Variants in KHDRBS1 observed in about 807,000 individuals in gnomAD.
The protein encoded by KHDRBS1 is KH domain-containing, RNA-binding, signal transduction-associated protein 1.
KHDRBS1 carries 7 observed loss-of-function variants against 48.4 expected under a neutral mutation model. The ratio of observed to expected loss-of-function variants is 0.14; its 90% CI spans 0.08 to 0.27. The LOEUF (loss-of-function observed/expected upper bound fraction) is 0.27. Ranked by LOEUF, KHDRBS1 falls within the 10% of genes least tolerant of loss-of-function variation. The probability of loss-of-function intolerance (pLI) is 1.00; values close to 1 mark genes in which losing one functional copy is unlikely to be tolerated. For missense variants in KHDRBS1, 458 were observed against 601.2 expected, an observed-to-expected ratio of 0.76 and a Z score of 2.49; for synonymous variants, 241 against 235.8, an observed-to-expected ratio of 1.02 and a Z score of -0.20.
downstream of KHDRBS1, among the ~76,000 whole-genome samples, chr1:32,046,832 CT>C: frequency 6.6e-6 from 1 of 152,140 alleles, no homozygotes; most frequent in Non-Finnish European, 1.5e-5. Flanking sequence ...GATCTGGAAG[CT>C]TTAAGAGAGG....
intron 1 of KHDRBS1, among the ~76,000 whole-genome samples, chr1:32,026,597 C>T (rs16834809): frequency 0.04 from 6,046 of 152,168 alleles, 362 homozygotes; most frequent in African/African-American, 0.14. Flanking sequence ...AATGAAAGGC[C>T]TTAAATTCAC....
Position 32,042,715 on chromosome 1 carries a change from G to A in KHDRBS1, c.*91G>A, listed in dbSNP as rs1639301931. 9 of 772,580 alleles carry A rather than the reference G, an allele frequency of 1.2e-5. No homozygotes were observed. The highest frequency in any genetic ancestry group is 1.7e-5 in the African/African-American group (1 of 58,334). 47.9% of individuals were successfully genotyped at this position (772,580 alleles called of 1,614,324 possible). On this transcript the variant is annotated 3_prime_UTR_variant, in exon 9 of 9. Transcript: ENST00000327300. ...GATTCCTGTTGCTTTACCCACAACA[G>A]ACAAGTAATTGTCTAAGTGTTTTTC...
intron 1 of KHDRBS1, among the ~76,000 whole-genome samples, chr1:32,025,399 C>G (rs1020226366): frequency 2.1e-5 from 3 of 141,454 alleles, no homozygotes; most frequent in African/African-American, 8.0e-5. Flanking sequence ...CTCCCGGGTT[C>G]AAGCAATTCT....
chr1:32,044,363 A>G (rs183339088), downstream of KHDRBS1, among the ~76,000 whole-genome samples: 2,343 of 152,316 alleles, frequency 0.015, 37 homozygotes, highest in Non-Finnish European at 0.021. Flanking sequence ...TTCTCTTTCA[A>G]TCCCAGAAAT....
At chr1:32,023,641 T>C (rs1349996295) in intron 1 of KHDRBS1, among the ~76,000 whole-genome samples, 3 of 152,214 alleles carry the variant, frequency 2.0e-5, no homozygotes, top group Admixed American at 6.5e-5. Flanking sequence ...AAAGTACTTT[T>C]GCCTGAGGTT....
At chr1:32,055,784 T>C (rs1323497019) in intron 10 of KHDRBS1, among the ~76,000 whole-genome samples, 1 of 152,066 alleles carries the variant, frequency 6.6e-6, no homozygotes, top group Admixed American at 6.6e-5. Context: ...TCTCGGCTCC[T>C]AAGGAGGCTG....
At chr1:32,020,367 C>T (rs2124359319) in intron 1 of KHDRBS1, among the ~76,000 whole-genome samples, 1 of 150,324 alleles carries the variant, frequency 6.7e-6, no homozygotes, top group East Asian at 1.9e-4. Context: ...TCGAGGCTGC[C>T]TTGAGCTGAG....
chr1:32,041,506 T>C (rs1639281860), intron 8 of KHDRBS1, among the ~76,000 whole-genome samples: 1 of 152,132 alleles, frequency 6.6e-6, no homozygotes. Context: ...AGGAGAACCA[T>C]TTGAGGATGT....
At chr1:32,019,003 G>A (rs1638801258) in intron 1 of KHDRBS1, among the ~76,000 whole-genome samples, 1 of 151,366 alleles carries the variant, frequency 6.6e-6, no homozygotes, top group Non-Finnish European at 1.5e-5. Context: ...GCTGAGGCAG[G>A]AGAATCACTT....
At chr1:32,054,979 A>C (rs1639463136) in intron 10 of KHDRBS1, among the ~76,000 whole-genome samples, 1 of 152,166 alleles carries the variant, frequency 6.6e-6, no homozygotes, top group Admixed American at 6.5e-5. Flanking sequence ...AGTTAGGATA[A>C]CCACAGAGTC....
rs773057128 is a variant in KHDRBS1, at chr1:32,014,202, C to T, written c.207C>T (p.Pro69=). 9.1e-5 allele frequency: 126 copies of T among 1,389,828 alleles called. No individual in the cohort carries two copies. The highest frequency in any genetic ancestry group is 4.3e-4 in the African/African-American group (29 of 66,824). The allele number at this position is 1,389,828 out of a possible 1,614,324, so 86.1% of individuals were successfully genotyped here. ...CGCAGCCGCCACCGCTGCTGCCGCCCTCGGCCACGGGTCCCGACGCGACAG... is the reference window on the plus strand; with the variant it reads ...CGCAGCCGCCACCGCTGCTGCCGCCTTCGGCCACGGGTCCCGACGCGACAG... The part of the protein sequence containing the change: ...PATQPPPLLP[P]SATGPDATVG... The change falls in exon 1 of 9, where the codon CCC becomes CCT. Residue 69 remains proline (P), a synonymous_variant. Transcript: ENST00000327300.
chr1:32,058,339 A>G (rs954934150), intron 10 of KHDRBS1, among the ~76,000 whole-genome samples: 6 of 152,086 alleles, frequency 3.9e-5, no homozygotes, highest in African/African-American at 7.2e-5. Flanking sequence ...GCCTCAAGCA[A>G]TCCTCCCATC....
Position 32,042,637 on chromosome 1 carries a change from G to A in KHDRBS1, c.*13G>A. The A allele has an allele frequency of 2.6e-6, 4 of 1,512,486 alleles. No individual in the cohort carries two copies. Among genetic ancestry groups the A allele is most frequent in the Non-Finnish European group, 3.7e-6 (4 of 1,088,202 alleles). 93.7% of individuals were successfully genotyped at this position (1,512,486 alleles called of 1,614,324 possible). On this transcript the variant is annotated 3_prime_UTR_variant, in exon 9 of 9. Coordinates refer to ENST00000327300, the MANE Select transcript of KHDRBS1 (RefSeq NM_006559.3). ...TGGACGTTATTAAAAACAAACATGA[G>A]GGGAAAATATCAGTTATGAGCAAAG...
At position 32,042,500 on chromosome 1, in the gene KHDRBS1, T is replaced by C. The variant is rs369808824; in HGVS notation, c.1235-27T>C. 1.8e-5 allele frequency: 27 copies of C among 1,540,408 alleles called. No individual in the cohort carries two copies. In the African/African-American group the frequency reaches 2.7e-4, roughly 16 times the overall value. On this transcript the variant is annotated intron_variant, in intron 8 of 8. Transcript: ENST00000327300. ...CCCTAAGTGCTGTCGCCACATGGTT[T>C]ATAAACTGTCTTTGTTTTCCCCACA...
intron 1 of KHDRBS1, among the ~76,000 whole-genome samples, chr1:32,028,152 G>A (rs1639011100): frequency 6.6e-6 from 1 of 152,106 alleles, no homozygotes; most frequent in South Asian, 2.1e-4. Flanking sequence ...ACTGTTAAGG[G>A]TATAGATTTG....
intron 10 of KHDRBS1, among the ~76,000 whole-genome samples, chr1:32,051,459 G>T (rs1313111936): frequency 1.3e-5 from 2 of 152,302 alleles, no homozygotes; most frequent in Non-Finnish European, 2.9e-5. Context: ...GCTAGGATTT[G>T]ATCCCAAGAA....
intron 10 of KHDRBS1, among the ~76,000 whole-genome samples, chr1:32,050,961 G>T (rs1639412036): frequency 6.6e-6 from 1 of 152,034 alleles, no homozygotes; most frequent in African/African-American, 2.4e-5. Flanking sequence ...CTCAATCTCG[G>T]CTCATTGCAA....
At chr1:32,055,319 G>A (rs1196225611) in intron 10 of KHDRBS1, among the ~76,000 whole-genome samples, 4 of 152,078 alleles carry the variant, frequency 2.6e-5, no homozygotes, top group East Asian at 1.9e-4. Context: ...GTGGTGGCGC[G>A]CATCTGTAAT....
Position 32,037,056 on chromosome 1 carries a change from G to C in KHDRBS1, c.905+13G>C. 1 of 1,612,070 alleles carries C rather than the reference G, an allele frequency of 6.2e-7. No homozygotes were observed. The highest frequency in any genetic ancestry group is 8.5e-7 in the Non-Finnish European group (1 of 1,179,140). ...CACCTGTTCCCAGGTAAAAATAATG[G>C]AGACACCCAGAAATAGGATGTGAAT... On this transcript the variant is annotated intron_variant, in intron 5 of 8. Transcript: ENST00000327300.
Sources: allele counts gnomAD v4.1 joint callset (sites outside exome capture counted in the v4.1 genomes callset), GRCh38; gene constraint gnomAD v4.1.1; transcripts MANE v1.5; gene names NCBI Gene and HGNC (gene_info 2026-07-23, HGNC 2026-07-21).